The following AKAP13 variants were observed in gnomAD, a reference collection of about 807,000 sequenced individuals.
AKAP13 encodes the protein A-kinase anchoring protein 13, also known as A-kinase anchor protein 13.
AKAP13 carries 80 observed loss-of-function variants against 264.5 expected under a neutral mutation model. The observed-to-expected ratio is 0.30, with a 90% CI of 0.25 to 0.36. AKAP13 has a LOEUF of 0.36. Among genes scored for constraint, AKAP13 ranks in the 10% least tolerant of loss-of-function variants. The pLI is 1.00. For synonymous variants in AKAP13, 1,380 were observed against 1,250.2 expected, an observed-to-expected ratio of 1.10 and a Z score of -2.19; for missense variants, 3,712 against 3,435.2, an observed-to-expected ratio of 1.08 and a Z score of -2.01.
At chr15:85,696,860 A>G (rs2085591748) in intron 17 of AKAP13, among the ~76,000 whole-genome samples, 1 of 152,176 alleles carries the variant, frequency 6.6e-6, no homozygotes, top group Non-Finnish European at 1.5e-5. Flanking sequence ...ACCCCTGTAT[A>G]AGAAATGCTG....
intron 1 of AKAP13, among the ~76,000 whole-genome samples, chr15:85,440,220 T>A (rs2150952584): frequency 6.6e-6 from 1 of 152,306 alleles, no homozygotes; most frequent in African/African-American, 2.4e-5. Flanking sequence ...TCTCCTCCCT[T>A]TGCCTTTTCT....
In AKAP13 at chr15:85,575,119, G is replaced by T; in HGVS notation, c.663-12G>T. 1 of 1,613,170 alleles carries T rather than the reference G, an allele frequency of 6.2e-7. No individual in the cohort carries two copies. Among genetic ancestry groups the T allele is most frequent in the Non-Finnish European group, 8.5e-7 (1 of 1,179,210 alleles). Reference sequence around the variant, plus strand: ...GAATGTATATATATTAACCAGAGATGCTTGCATGTAGGGAGAATGCTGGAG... The same window carrying T: ...GAATGTATATATATTAACCAGAGATTCTTGCATGTAGGGAGAATGCTGGAG... On this transcript the variant is annotated splice_polypyrimidine_tract_variant and intron_variant, in intron 5 of 36. Transcript: ENST00000394518.
At chr15:85,657,891 C>T (rs1005870021) in intron 11 of AKAP13, among the ~76,000 whole-genome samples, 2 of 152,012 alleles carry the variant, frequency 1.3e-5, no homozygotes, top group South Asian at 4.2e-4. Context: ...TCTTTATAAT[C>T]CACTATGGGT....
At chr15:85,502,847 C>A (rs1007438283) in intron 2 of AKAP13, among the ~76,000 whole-genome samples, 5 of 152,096 alleles carry the variant, frequency 3.3e-5, no homozygotes, top group African/African-American at 1.2e-4. Context: ...CAGTTTCTTT[C>A]GTAAGACTTA....
chr15:85,533,715 A>G lies in AKAP13; in HGVS notation c.313A>G (p.Thr105Ala), dbSNP rs751917747. ...GTATGATGCAGCTCAATTCCTAGCA[A>G]CCAGTGCTGGAAATCAGCAGGCTTT... ...EAYDAAQFLA[T>A]SAGNQQALNF... is the part of the protein sequence containing the mutation. The change falls in exon 4 of 37, where the codon ACC (threonine) becomes GCC (alanine). Residue 105 changes from threonine to alanine, a missense_variant. This residue lies in a region of AKAP13 where 2,759 missense variants were observed against 2,411.7 expected (regional missense o/e 1.14). Transcript: ENST00000394518. 1.7e-5 allele frequency: 27 copies of G among 1,614,042 alleles called. No individual in the cohort carries two copies. The highest frequency in any genetic ancestry group is 5.0e-5 in the Admixed American group (3 of 59,998).
rs776103441 is a variant in AKAP13 at position 85,579,056 on chromosome 15, C to G, written c.988C>G (p.Leu330Val). The change falls in exon 7 of 37, where the codon CTT (leucine) becomes GTT (valine). Residue 330 changes from leucine to valine, a missense_variant. By Grantham distance (32) the Leu-to-Val change is conservative (BLOSUM62 1). Transcript: ENST00000394518. ...CAPEPTDPQR[L>V]SSSEETESTQ... ...ACCGGAGCCCACGGACCCTCAGCGA[C>G]TTTCTTCTTCTGAAGAGACTGAGAG... is the stretch of plus-strand genomic sequence containing the variant. 11 of 1,614,056 alleles carry G rather than the reference C, an allele frequency of 6.8e-6. No individual in the cohort carries two copies. Among genetic ancestry groups the G allele is most frequent in the East Asian group, 2.2e-5 (1 of 44,880 alleles).
At chr15:85,402,369 G>C (rs187166914) in intron 1 of AKAP13, among the ~76,000 whole-genome samples, 30 of 152,306 alleles carry the variant, frequency 2.0e-4, no homozygotes, top group African/African-American at 7.0e-4. Flanking sequence ...CTGGTGCCTA[G>C]GATTTGGTGT....
chr15:85,413,390 C>T (rs994593811), intron 1 of AKAP13, among the ~76,000 whole-genome samples: 1 of 152,122 alleles, frequency 6.6e-6, no homozygotes, highest in East Asian at 1.9e-4. Context: ...GGCTGTAGTT[C>T]AGTTGTCGTT....
Position 85,581,077 on chromosome 15 carries a change from A to T in AKAP13, c.3009A>T (p.Pro1003=), listed in dbSNP as rs374802788. 6.2e-7 allele frequency: 1 copy of T among 1,614,072 alleles called. No homozygotes were observed. The highest frequency in any genetic ancestry group is 2.2e-5 in the East Asian group (1 of 44,876). ...AETEHNKEVA[P]QVSLLTQGGA... ...CTGAACATAACAAGGAAGTGGCCCCACAAGTCTCACTGCTGACTCAAGGTG... is the reference window on the plus strand; with the variant it reads ...CTGAACATAACAAGGAAGTGGCCCCTCAAGTCTCACTGCTGACTCAAGGTG... Residue 1003 remains proline, a synonymous_variant, in exon 7 of 37, where the codon CCA becomes CCT. Coordinates refer to ENST00000394518, the MANE Select transcript of AKAP13 (RefSeq NM_007200.5).
At chr15:85,696,687 A>G (rs1226524239) in intron 17 of AKAP13, among the ~76,000 whole-genome samples, 1 of 152,198 alleles carries the variant, frequency 6.6e-6, no homozygotes, top group African/African-American at 2.4e-5. Flanking sequence ...TTCTGCTATA[A>G]AATATAAAAT....
chr15:85,437,519 AAAG>A (rs2073369298), intron 1 of AKAP13, among the ~76,000 whole-genome samples: 1 of 151,302 alleles, frequency 6.6e-6, no homozygotes, highest in Non-Finnish European at 1.5e-5. Context: ...CACAACCAAA[AAAG>A]AGAATTTTAG....
At chr15:85,419,152 G>T (rs1203308624) in intron 1 of AKAP13, among the ~76,000 whole-genome samples, 2 of 152,204 alleles carry the variant, frequency 1.3e-5, no homozygotes, top group East Asian at 1.9e-4. Flanking sequence ...TTTGCTTTAA[G>T]TATAATCTTT....
At position 85,580,754 on chromosome 15, in the gene AKAP13, A is replaced by G; in HGVS notation, c.2686A>G (p.Ser896Gly). The G allele has an allele frequency of 6.2e-7, 1 of 1,614,156 alleles. No homozygotes were observed. The highest frequency in any genetic ancestry group is 1.1e-5 in the South Asian group (1 of 91,086). Reference protein sequence around the residue: ...IKGNTDSSLQSVGKATLALDS... With the variant: ...IKGNTDSSLQGVGKATLALDS... ...GGGGAACACTGACTCTTCCCTGCAAAGTGTGGGTAAGGCCACTTTGGCTTT... is the reference window on the plus strand; with the variant it reads ...GGGGAACACTGACTCTTCCCTGCAAGGTGTGGGTAAGGCCACTTTGGCTTT... Residue 896 changes from serine (S) to glycine (G), a missense_variant, in exon 7 of 37, where the codon AGT (serine) becomes GGT (glycine). Coordinates refer to ENST00000394518, the MANE Select transcript of AKAP13 (RefSeq NM_007200.5).
At chr15:85,441,230 G>T (rs1181859319) in intron 1 of AKAP13, among the ~76,000 whole-genome samples, 1 of 139,756 alleles carries the variant, frequency 7.2e-6, no homozygotes, top group Non-Finnish European at 1.7e-5. Flanking sequence ...GTTCTGGTGG[G>T]TGTGTATTGA....
At chr15:85,657,102 T>C (rs941175558) in intron 11 of AKAP13, among the ~76,000 whole-genome samples, 3 of 152,098 alleles carry the variant, frequency 2.0e-5, no homozygotes, top group Non-Finnish European at 2.9e-5. Context: ...GCCATGATCA[T>C]ACCACTGCAC....
chr15:85,391,846 G>A (rs1216662690), intron 1 of AKAP13, among the ~76,000 whole-genome samples: 3 of 151,912 alleles, frequency 2.0e-5, no homozygotes, highest in African/African-American at 7.3e-5. Flanking sequence ...GTGCAGCGGT[G>A]CGATCTCGGC....
chr15:85,466,236 G>T (rs1301852201), intron 1 of AKAP13, among the ~76,000 whole-genome samples: 2 of 151,686 alleles, frequency 1.3e-5, no homozygotes, highest in Admixed American at 1.3e-4. Context: ...TGAGTTCATT[G>T]TAGATTCTGG....
chr15:85,720,630 C>A (rs2087224116), intron 23 of AKAP13, among the ~76,000 whole-genome samples: 1 of 152,148 alleles, frequency 6.6e-6, no homozygotes, highest in African/African-American at 2.4e-5. Flanking sequence ...GATGCAGATT[C>A]CCCAAAGATG....
At chr15:85,401,342 T>G (rs186996296) in intron 1 of AKAP13, among the ~76,000 whole-genome samples, 1 of 152,298 alleles carries the variant, frequency 6.6e-6, no homozygotes, top group African/African-American at 2.4e-5. Flanking sequence ...TGTTACTTGG[T>G]TTTGGTAAGG....
Sources: gnomAD v4.1 joint callset for allele counts (sites outside exome capture counted in the v4.1 genomes callset) on GRCh38, gnomAD v4.1.1 for gene constraint, gnomAD v4.1.1 regional missense constraint, MANE v1.5 for transcripts, NCBI Gene and HGNC (gene_info 2026-07-23, HGNC 2026-07-21) for gene names.